The following TRHDE variants were observed in gnomAD, a reference collection of about 807,000 sequenced individuals.
TRHDE encodes thyrotropin releasing hormone degrading enzyme.
Under a neutral mutation model 125.7 loss-of-function variants are expected in TRHDE, and 72 were observed. That is an observed-to-expected ratio of 0.57 (90% confidence interval 0.47 to 0.70). The LOEUF is 0.70. TRHDE is among the 30% of genes least tolerant of loss of function. TRHDE has a pLI of 0.00. For synonymous variants in TRHDE, 509 were observed against 509.1 expected (o/e 1.00, Z 0.00); for missense variants, 1,110 against 1,327.1 (o/e 0.84, Z 2.54).
chr12:72,093,790 C>A (rs1453395301), intron 1 of TRHDE, among the ~76,000 whole-genome samples: 1 of 152,150 alleles, frequency 6.6e-6, no homozygotes, highest in Non-Finnish European at 1.5e-5. Context: ...CTTTAAGATG[C>A]TTATTTAAAT....
At chr12:72,359,262 T>A (rs1268924367) in intron 2 of TRHDE, among the ~76,000 whole-genome samples, 1 of 151,536 alleles carries the variant, frequency 6.6e-6, no homozygotes, top group African/African-American at 2.4e-5. Flanking sequence ...TGGCAAACAA[T>A]GAATTGAAGG....
chr12:72,548,278 A>T (rs1462432881), intron 7 of TRHDE, among the ~76,000 whole-genome samples: 1 of 151,632 alleles, frequency 6.6e-6, no homozygotes, highest in Non-Finnish European at 1.5e-5. Flanking sequence ...TATCTCCCTG[A>T]AATATTCCCT....
chr12:72,473,181 G>T lies in TRHDE; in HGVS notation c.1584+1G>T. The T allele has an allele frequency of 1.2e-6, 2 of 1,610,066 alleles. No individual in the cohort carries two copies. Among genetic ancestry groups the T allele is most frequent in the Non-Finnish European group, 8.5e-7 (1 of 1,176,508 alleles). On this transcript the variant is annotated splice_donor_variant, in intron 5 of 18. Coordinates refer to ENST00000261180, the MANE Select transcript of TRHDE (RefSeq NM_013381.3). LOFTEE classifies it high-confidence loss of function. ...CTACCTCTATCCTGGCTGGAACATG[G>T]TAAGTGCACTTGAATTATTTGAAAC... is the stretch of plus-strand genomic sequence containing the variant.
chr12:72,255,776 T>A (rs1878800478), intron 2 of TRHDE: 1 of 152,236 alleles, frequency 6.6e-6, no homozygotes, highest in African/African-American at 2.4e-5. Context: ...TCTTGGTAAC[T>A]GTAAACAAGA....
chr12:72,243,265 G>C (rs1336642100), intron 2 of TRHDE, among the ~76,000 whole-genome samples: 1 of 152,180 alleles, frequency 6.6e-6, no homozygotes, highest in Non-Finnish European at 1.5e-5. Context: ...GCTGCCAAAA[G>C]TATCTTAAAG....
chr12:72,294,356 C>G (rs1880206507), intron 2 of TRHDE, among the ~76,000 whole-genome samples: 2 of 151,402 alleles, frequency 1.3e-5, no homozygotes, highest in South Asian at 2.1e-4. Context: ...GGGAACCTGT[C>G]TGTGTGTGTG....
At chr12:72,169,926 G>A (rs1339112632) in intron 2 of TRHDE, among the ~76,000 whole-genome samples, 3 of 152,056 alleles carry the variant, frequency 2.0e-5, no homozygotes, top group African/African-American at 7.2e-5. Context: ...GGACTTTGGG[G>A]TTAGATCTTA....
At chr12:72,275,669 A>G (rs1044351213) in intron 1 of TRHDE, among the ~76,000 whole-genome samples, 12 of 152,206 alleles carry the variant, frequency 7.9e-5, no homozygotes, top group Admixed American at 3.3e-4. Context: ...GCCATGCCAA[A>G]ATATGTTTGG....
intron 12 of TRHDE, among the ~76,000 whole-genome samples, chr12:72,613,454 T>C (rs758644626): frequency 6.6e-6 from 1 of 152,256 alleles, no homozygotes; most frequent in African/African-American, 2.4e-5. Context: ...TTAAGTTTTA[T>C]AGTATCTTTG....
intron 2 of TRHDE, among the ~76,000 whole-genome samples, chr12:72,224,178 C>G (rs147647530): frequency 0.14 from 19,296 of 138,278 alleles, 1,442 homozygotes; most frequent in Non-Finnish European, 0.16. Flanking sequence ...ATCTATCTAT[C>G]TATCTATCTA....
rs769356559 is a variant in TRHDE, at chr12:72,618,886, T to C, written c.2322-5T>C. The C allele has an allele frequency of 1.3e-6, 2 of 1,504,310 alleles. No individual in the cohort carries two copies. Among genetic ancestry groups the C allele is most frequent in the Admixed American group, 4.8e-5 (2 of 41,256 alleles). The allele number at this position is 1,504,310 out of a possible 1,614,324, so 93.2% of individuals were successfully genotyped here. A position where few individuals can be genotyped will look rare whatever the true frequency, so the allele number is the denominator to read the frequency against. The stretch of plus-strand genomic sequence containing the variant: ...TCATGTATCTTTTTTTTTTTTTAAC[T>C]GTAGGGCTGGCTATTTGCCTCAGAA... On this transcript the variant is annotated splice_polypyrimidine_tract_variant and splice_region_variant and intron_variant, in intron 12 of 18. Coordinates refer to ENST00000261180, the MANE Select transcript of TRHDE (RefSeq NM_013381.3).
chr12:72,129,270 A>T (rs375101181), intron 2 of TRHDE, among the ~76,000 whole-genome samples: 3 of 152,236 alleles, frequency 2.0e-5, no homozygotes, highest in East Asian at 1.9e-4. Flanking sequence ...CAAAGAATTT[A>T]TTCAGGTGGA....
chr12:72,425,826 T>C (rs928544014), intron 3 of TRHDE, among the ~76,000 whole-genome samples: 2 of 152,068 alleles, frequency 1.3e-5, no homozygotes, highest in African/African-American at 4.8e-5. Context: ...AAATAAACCA[T>C]ACTCAGTGTT....
At chr12:72,569,871 G>T (rs890737706) in intron 10 of TRHDE, among the ~76,000 whole-genome samples, 1 of 151,984 alleles carries the variant, frequency 6.6e-6, no homozygotes, top group Non-Finnish European at 1.5e-5. Flanking sequence ...TTTATATTGT[G>T]ATTCTGAATT....
At chr12:72,644,686 T>G (rs761237834) in intron 15 of TRHDE, among the ~76,000 whole-genome samples, 7 of 152,200 alleles carry the variant, frequency 4.6e-5, no homozygotes, top group Admixed American at 2.0e-4. Context: ...TTTCTACTGC[T>G]CAGCACAGAG....
intron 2 of TRHDE, among the ~76,000 whole-genome samples, chr12:72,288,389 C>A (rs1378235494): frequency 6.6e-6 from 1 of 152,006 alleles, no homozygotes; most frequent in African/African-American, 2.4e-5. Context: ...TACTGAAAAA[C>A]TGCTTATAAT....
Position 72,664,263 on chromosome 12 carries a change from C to T in TRHDE, c.*1068C>T, listed in dbSNP as rs576688112. The T allele has an allele frequency of 6.6e-6, 1 of 152,572 alleles. No homozygotes were observed. The highest frequency in any genetic ancestry group is 1.9e-4 in the East Asian group (1 of 5,158). The allele number at this position is 152,572 out of a possible 1,614,324, so 9.5% of individuals were successfully genotyped here. A position where few individuals can be genotyped will look rare whatever the true frequency, so the allele number is the denominator to read the frequency against. On this transcript the variant is annotated 3_prime_UTR_variant, in exon 19 of 19. Transcript: ENST00000261180. ...TGCTGAAAAAGAGTTTATTTTCCAT[C>T]TTGTTTGTTTTCCTACCTTATGCTG...
At chr12:72,639,832 G>A (rs1486381661) in intron 15 of TRHDE, among the ~76,000 whole-genome samples, 1 of 152,310 alleles carries the variant, frequency 6.6e-6, no homozygotes, top group East Asian at 1.9e-4. Context: ...AGCAGTCAGG[G>A]ACCCACTTGA....
intron 15 of TRHDE, among the ~76,000 whole-genome samples, chr12:72,642,007 C>T (rs1232442128): frequency 6.6e-6 from 1 of 152,132 alleles, no homozygotes; most frequent in Admixed American, 6.5e-5. Flanking sequence ...ATGAAAGAAA[C>T]CCCAGATTGT....
Sources: allele counts gnomAD v4.1 joint callset (sites outside exome capture counted in the v4.1 genomes callset), GRCh38; gene constraint gnomAD v4.1.1; transcripts MANE v1.5; gene names NCBI Gene and HGNC (gene_info 2026-07-23, HGNC 2026-07-21).